CALB2: variants seen among roughly 807,000 people sequenced by gnomAD.
CALB2 encodes calretinin.
In CALB2, 34 loss-of-function variants were observed where a neutral mutation model predicts 45.9. The ratio of observed to expected loss-of-function variants is 0.74; its 90% CI spans 0.56 to 0.99. The LOEUF (loss-of-function observed/expected upper bound fraction) is 0.99, where lower values mean the gene tolerates loss of function less well. Among genes scored for constraint, CALB2 ranks in the 50% least tolerant of loss-of-function variants. CALB2 has a pLI of 0.00. For synonymous variants in CALB2, 142 were observed against 129.6 expected, an observed-to-expected ratio of 1.10 and a Z score of -0.65; for missense variants, 344 against 339.3, an observed-to-expected ratio of 1.01 and a Z score of -0.11.
chr16:71,369,395 C>A (rs1417510202), intron 1 of CALB2, among the ~76,000 whole-genome samples: 1 of 152,096 alleles, frequency 6.6e-6, no homozygotes, highest in East Asian at 1.9e-4. Flanking sequence ...CACTCTGCCG[C>A]CCCCCAAATG....
intron 1 of CALB2, among the ~76,000 whole-genome samples, chr16:71,365,709 C>T (rs905061100): frequency 2.0e-5 from 3 of 152,084 alleles, no homozygotes; most frequent in Non-Finnish European, 4.4e-5. Flanking sequence ...AACAGCACGG[C>T]GTTATGCTCC....
At chr16:71,380,578 G>T (rs1389690480) in intron 4 of CALB2, among the ~76,000 whole-genome samples, 2 of 151,962 alleles carry the variant, frequency 1.3e-5, no homozygotes, top group Non-Finnish European at 2.9e-5. Flanking sequence ...AAAGTGCTGG[G>T]ATTACAGGCA....
intron 4 of CALB2, 79 bp downstream of exon 4, chr16:71,377,826 G>T: frequency 4.0e-6 from 4 of 991,060 alleles, no homozygotes; most frequent in Admixed American, 3.7e-5. Context: ...CCACCCTCCT[G>T]CCTGGTAATG....
chr16:71,366,120 A>T, intron 1 of CALB2, among the ~76,000 whole-genome samples: 1 of 134,362 alleles, frequency 7.4e-6, no homozygotes, highest in Non-Finnish European at 1.5e-5. Context: ...TCCACCTCCC[A>T]GGTTCACGCC....
At chr16:71,389,493 C>T (rs1022472352) in intron 10 of CALB2, 1 of 640,420 alleles carries the variant, frequency 1.6e-6, no homozygotes, top group Non-Finnish European at 2.9e-6. Context: ...TTAGTGTACC[C>T]ATTTTACAGG....
chr16:71,386,436 C>G (rs1364855786), intron 10 of CALB2, among the ~76,000 whole-genome samples: 1 of 152,196 alleles, frequency 6.6e-6, no homozygotes, highest in African/African-American at 2.4e-5. Flanking sequence ...ACTGCAGAAT[C>G]GGGAGCTGGG....
chr16:71,389,697 G>T (rs2042613874), intron 10 of CALB2, 52 bp from the exon 11 acceptor site: 2 of 1,311,144 alleles, frequency 1.5e-6, no homozygotes, highest in East Asian at 2.3e-5. Context: ...TGGGCTCCTT[G>T]CGTCGGGACC....
intron 1 of CALB2, among the ~76,000 whole-genome samples, chr16:71,371,135 G>A (rs1290245072): frequency 6.6e-6 from 1 of 152,198 alleles, no homozygotes; most frequent in Non-Finnish European, 1.5e-5. Flanking sequence ...CTTTGCAGAT[G>A]AGATGGGTTC....
intron 1 of CALB2, among the ~76,000 whole-genome samples, chr16:71,367,247 G>A (rs1318312145): frequency 6.6e-6 from 1 of 152,208 alleles, no homozygotes; most frequent in Non-Finnish European, 1.5e-5. Flanking sequence ...TTCACAGGAT[G>A]TGGTTTGATA....
rs146060166 is a variant in CALB2, at chr16:71,363,011, C to A, written c.94+4125C>A. Reference sequence around the variant, plus strand: ...CTTGGGCAATACAGTGAGACCCCCCCTCCCCCTACTACAAATTTAAAAATT... The same window carrying A: ...CTTGGGCAATACAGTGAGACCCCCCATCCCCCTACTACAAATTTAAAAATT... On this transcript the variant is annotated intron_variant, in intron 1 of 10. Transcript: ENST00000302628. Among the ~76,000 whole-genome samples the A allele has an allele frequency of 4.4e-3, 676 of 152,078 alleles. 9 individuals carry two copies. The highest frequency in any genetic ancestry group is 0.016 in the African/African-American group (645 of 41,494).
At chr16:71,382,105 G>A (rs2042501831) in intron 4 of CALB2, among the ~76,000 whole-genome samples, 1 of 118,920 alleles carries the variant, frequency 8.4e-6, no homozygotes, top group Non-Finnish European at 1.8e-5. Context: ...AGGAAGGAAG[G>A]AAGGGAAGAA....
chr16:71,374,486 G>A (rs2042387882), intron 2 of CALB2, among the ~76,000 whole-genome samples: 1 of 152,186 alleles, frequency 6.6e-6, no homozygotes, highest in African/African-American at 2.4e-5. Flanking sequence ...AAAGGCAGCA[G>A]GGCATGTTTG....
At chr16:71,388,775 G>T (rs1455484854) in intron 10 of CALB2, among the ~76,000 whole-genome samples, 1 of 151,146 alleles carries the variant, frequency 6.6e-6, no homozygotes, top group Non-Finnish European at 1.5e-5. Context: ...GAGGTCAGGA[G>T]TTCGAAACCA....
In CALB2 at chr16:71,362,461, C is replaced by T. The variant is rs560758061; in HGVS notation, c.94+3575C>T. The stretch of plus-strand genomic sequence containing the variant: ...GCCTACATAGATATACTCGTATGTG[C>T]GCAGAAAGTTATATGAACAAACATG... On this transcript the variant is annotated intron_variant, in intron 1 of 10. Coordinates refer to ENST00000302628, the MANE Select transcript of CALB2 (RefSeq NM_001740.5). Among the ~76,000 whole-genome samples, 98 of 152,266 alleles carry T rather than the reference C, an allele frequency of 6.4e-4. 1 individual carries two copies. The highest frequency in any genetic ancestry group is 6.0e-3 in the Admixed American group (92 of 15,288).
Position 71,370,197 on chromosome 16 carries a change from G to A in CALB2, c.95-1956G>A, listed in dbSNP as rs552845792. 2.6e-5 allele frequency among the ~76,000 whole-genome samples: 4 copies of A among 152,324 alleles called. No homozygotes were observed. In the South Asian group the frequency reaches 8.3e-4, roughly 32 times the overall value. ...TGTGGCATATTCTTCACTCGAGAGTGCCTCTAAGTTTATTAAGAATTTAAA... is the reference window on the plus strand; with the variant it reads ...TGTGGCATATTCTTCACTCGAGAGTACCTCTAAGTTTATTAAGAATTTAAA... On this transcript the variant is annotated intron_variant, in intron 1 of 10. Transcript: ENST00000302628.
At chr16:71,367,967 C>A (rs1188066638) in intron 1 of CALB2, among the ~76,000 whole-genome samples, 1 of 152,200 alleles carries the variant, frequency 6.6e-6, no homozygotes, top group East Asian at 1.9e-4. Context: ...CCTTTCTCTG[C>A]CCCCTTCCCA....
At chr16:71,369,210 G>A (rs1011776155) in intron 1 of CALB2, among the ~76,000 whole-genome samples, 1 of 152,198 alleles carries the variant, frequency 6.6e-6, no homozygotes, top group Non-Finnish European at 1.5e-5. Flanking sequence ...GGCCAGCGCT[G>A]CGAGTGTATT....
At chr16:71,362,090 C>T (rs1020193042) in intron 1 of CALB2, among the ~76,000 whole-genome samples, 7 of 152,236 alleles carry the variant, frequency 4.6e-5, no homozygotes, top group South Asian at 4.1e-4. Context: ...CTCCATGCTC[C>T]GAGTGGCCCT....
intron 2 of CALB2, 135 bp from the exon 3 acceptor site, chr16:71,374,610 T>C: frequency 1.6e-6 from 1 of 615,956 alleles, no homozygotes; most frequent in Admixed American, 2.6e-5. Flanking sequence ...ACAGCTCTGA[T>C]CAATCAGAGC....
Sources: allele counts gnomAD v4.1 joint callset (sites outside exome capture counted in the v4.1 genomes callset), GRCh38; gene constraint gnomAD v4.1.1; transcripts MANE v1.5; gene names NCBI Gene and HGNC (gene_info 2026-07-23, HGNC 2026-07-21).